The following MAGI3 variants were observed in gnomAD, a reference collection of about 807,000 sequenced individuals.
The protein encoded by MAGI3 is membrane-associated guanylate kinase, WW and PDZ domain-containing protein 3.
Under a neutral mutation model 121.8 loss-of-function variants are expected in MAGI3, and 43 were observed. The ratio of observed to expected loss-of-function variants is 0.35; its 90% CI spans 0.28 to 0.46. The LOEUF (loss-of-function observed/expected upper bound fraction) is 0.46, where lower values mean the gene tolerates loss of function less well. Ranked by LOEUF, MAGI3 falls within the 20% of genes least tolerant of loss-of-function variation. The pLI is 1.00. For missense variants in MAGI3, 1,547 were observed against 1,797.3 expected (o/e 0.86, Z 2.52); for synonymous variants, 553 against 639.3 (o/e 0.86, Z 2.04).
chr1:113,623,633 G>A (rs900894972), intron 9 of MAGI3, among the ~76,000 whole-genome samples: 1 of 151,824 alleles, frequency 6.6e-6, no homozygotes, highest in Non-Finnish European at 1.5e-5. Context: ...GACTACAGGC[G>A]CCCGCCACCA....
chr1:113,680,940 A>T (rs1571044345), intron 19 of MAGI3, among the ~76,000 whole-genome samples: 1 of 152,178 alleles, frequency 6.6e-6, no homozygotes, highest in African/African-American at 2.4e-5. Flanking sequence ...TGATTTCAAG[A>T]TGTCCAGATC....
chr1:113,436,884 G>A (rs975008479), intron 1 of MAGI3, among the ~76,000 whole-genome samples: 3 of 144,288 alleles, frequency 2.1e-5, no homozygotes, highest in African/African-American at 2.6e-5. Flanking sequence ...CACTGATCTC[G>A]GCTCACTGCA....
chr1:113,458,382 G>A (rs947134758), intron 1 of MAGI3, among the ~76,000 whole-genome samples: 2 of 152,206 alleles, frequency 1.3e-5, no homozygotes. Flanking sequence ...GAGATTGGAA[G>A]TGAAGCTATG....
intron 1 of MAGI3, among the ~76,000 whole-genome samples, chr1:113,450,901 A>C (rs1207185667): frequency 6.6e-6 from 1 of 152,218 alleles, no homozygotes; most frequent in Non-Finnish European, 1.5e-5. Context: ...CAGCTTAAAC[A>C]GGAAACCCTT....
intron 2 of MAGI3, among the ~76,000 whole-genome samples, chr1:113,576,275 G>A (rs958527406): frequency 1.1e-4 from 17 of 152,142 alleles, no homozygotes; most frequent in Admixed American, 9.2e-4. Context: ...GCCTCGTTTC[G>A]TGCTTGAAAC....
rs1389049755 is a variant in MAGI3, at chr1:113,549,639, T to C, written c.433+8T>C. ...ACTTGAGAACCATTCCATGTAAGTA[T>C]GTGATGGAATAAAAGAACTGAAGCA... On this transcript the variant is annotated splice_region_variant and intron_variant, in intron 2 of 20. Transcript: ENST00000307546. 1 of 1,441,000 alleles carries C rather than the reference T, an allele frequency of 6.9e-7. No homozygotes were observed. The highest frequency in any genetic ancestry group is 1.4e-5 in the African/African-American group (1 of 70,510). 89.3% of individuals were successfully genotyped at this position (1,441,000 alleles called of 1,614,324 possible).
intron 1 of MAGI3, among the ~76,000 whole-genome samples, chr1:113,475,169 C>T (rs923613218): frequency 6.6e-6 from 1 of 152,178 alleles, no homozygotes; most frequent in African/African-American, 2.4e-5. Flanking sequence ...AATATATAAT[C>T]ATGTCATCTG....
chr1:113,681,011 G>T (rs1648182555), intron 19 of MAGI3, among the ~76,000 whole-genome samples, 187 bp from the exon 20 acceptor site: 1 of 152,014 alleles, frequency 6.6e-6, no homozygotes. Flanking sequence ...CCTGAACATT[G>T]CCACTTCCTG....
At chr1:113,646,278 A>G (rs1345101577) in intron 11 of MAGI3, among the ~76,000 whole-genome samples, 6 of 152,010 alleles carry the variant, frequency 3.9e-5, no homozygotes, top group African/African-American at 1.4e-4. Context: ...ATTACTATAA[A>G]CTTTTTTCTA....
chr1:113,638,526 C>T (rs1292886027), intron 9 of MAGI3, among the ~76,000 whole-genome samples: 8 of 152,240 alleles, frequency 5.3e-5, no homozygotes, highest in Non-Finnish European at 8.8e-5. Flanking sequence ...GTACCAGCAG[C>T]GGTAGCTGCA....
intron 1 of MAGI3, among the ~76,000 whole-genome samples, chr1:113,497,126 G>T (rs377673826): frequency 6.6e-6 from 1 of 152,118 alleles, no homozygotes; most frequent in Non-Finnish European, 1.5e-5. Context: ...GCGTGATGGC[G>T]CATGCCTGTA....
chr1:113,433,298 T>C (rs1056462432), intron 1 of MAGI3, among the ~76,000 whole-genome samples: 1 of 152,202 alleles, frequency 6.6e-6, no homozygotes, highest in East Asian at 1.9e-4. Context: ...GAGGCAACTA[T>C]GATCAGATCT....
chr1:113,427,101 A>G (rs1653051059), intron 1 of MAGI3, among the ~76,000 whole-genome samples: 1 of 152,132 alleles, frequency 6.6e-6, no homozygotes, highest in Non-Finnish European at 1.5e-5. Flanking sequence ...TGTGATTTCA[A>G]TGATGTTTAA....
chr1:113,547,950 G>A (rs377613901), intron 1 of MAGI3, among the ~76,000 whole-genome samples: 63 of 152,236 alleles, frequency 4.1e-4, no homozygotes, highest in South Asian at 2.5e-3. Context: ...TTTAGGGTTT[G>A]TGTTTATTAG....
chr1:113,645,874 C>A (rs1222361895), intron 11 of MAGI3, among the ~76,000 whole-genome samples: 1 of 152,150 alleles, frequency 6.6e-6, no homozygotes, highest in Non-Finnish European at 1.5e-5. Context: ...TGGGAAAGTT[C>A]TAGCTGAATA....
intron 1 of MAGI3, among the ~76,000 whole-genome samples, chr1:113,453,329 G>T (rs1654579088): frequency 6.6e-6 from 1 of 151,968 alleles, no homozygotes; most frequent in Non-Finnish European, 1.5e-5. Flanking sequence ...CCATAAAGTA[G>T]AACAAGAGCT....
Position 113,391,376 on chromosome 1 carries a change from G to A in MAGI3, c.316+27G>A. On this transcript the variant is annotated intron_variant, in intron 1 of 20. Transcript: ENST00000307546. The surrounding 1 kb of genome is among the most constrained non-coding windows in gnomAD (Gnocchi z 4.4). ...TACGCCGGCCCTGCGTATCTGTCTC[G>A]GGGTGTTGGGGAGAGGGGCTTCAGG... 1 of 1,566,006 alleles carries A rather than the reference G, an allele frequency of 6.4e-7. No homozygotes were observed.
chr1:113,490,140 G>A (rs1656600636), intron 1 of MAGI3, among the ~76,000 whole-genome samples: 1 of 152,140 alleles, frequency 6.6e-6, no homozygotes. Context: ...AGAAGCTAGA[G>A]AGAAAGGTCA....
Position 113,683,855 on chromosome 1 carries a change from G to GAA in MAGI3, c.4289_4290dup (p.Glu1431LysfsTer3), listed in dbSNP as rs1301939632. ...CAAACAAAACAGAAGATCACAAAGG[G>GAA]AAAGAACTAGAGGCAGCTGACAAAA... On this transcript the variant is annotated frameshift_variant, in exon 21 of 21. Transcript: ENST00000307546. LOFTEE classifies it low-confidence loss of function (END_TRUNC). 1 of 1,612,398 alleles carries GAA rather than the reference G, an allele frequency of 6.2e-7. No individual in the cohort carries two copies.
Sources: allele counts gnomAD v4.1 joint callset (sites outside exome capture counted in the v4.1 genomes callset), GRCh38; gene constraint gnomAD v4.1.1; non-coding constraint Gnocchi (gnomAD v3.1); transcripts MANE v1.5; gene names NCBI Gene and HGNC (gene_info 2026-07-23, HGNC 2026-07-21).